The following CCDC178 variants were observed in gnomAD, a reference collection of about 807,000 sequenced individuals.
CCDC178 encodes coiled-coil domain-containing protein 178.
A neutral mutation model predicts 117.4 loss-of-function variants in CCDC178; 126 were observed. The observed-to-expected ratio is 1.07, with a 90% CI of 0.93 to 1.24. The LOEUF is 1.24. Among genes scored for constraint, CCDC178 ranks in the 50% most tolerant of loss-of-function variants. The pLI is 0.00. For missense variants in CCDC178, 1,030 were observed against 986.9 expected (o/e 1.04, Z -0.59); for synonymous variants, 283 against 313.4 (o/e 0.90, Z 1.02).
chr18:33,131,236 C>T (rs2058066066), intron 20 of CCDC178, among the ~76,000 whole-genome samples: 1 of 151,906 alleles, frequency 6.6e-6, no homozygotes, highest in Admixed American at 6.6e-5. Flanking sequence ...TGTAGGTGCT[C>T]TCAACTTTAT....
At position 33,039,013 on chromosome 18, in the gene CCDC178, A is replaced by C. The variant is rs76992043; in HGVS notation, c.2388+53748T>G. Among the ~76,000 whole-genome samples the C allele has an allele frequency of 5.4e-3, 825 of 152,200 alleles. 6 individuals are homozygous for C. Among genetic ancestry groups the C allele is most frequent in the African/African-American group, 0.019 (804 of 41,550 alleles). On this transcript the variant is annotated intron_variant, in intron 21 of 22. Coordinates refer to ENST00000383096, the MANE Select transcript of CCDC178 (RefSeq NM_001105528.4). ...CTCATATTTTAAACTACAATTTACA[A>C]AATACAGAAGATATGTATAAAGTAT...
chr18:32,991,778 C>T (rs1219210763), intron 21 of CCDC178, among the ~76,000 whole-genome samples: 1 of 152,122 alleles, frequency 6.6e-6, no homozygotes, highest in Non-Finnish European at 1.5e-5. Context: ...CTTGAGTTTC[C>T]ACCTCCAGGC....
At chr18:33,415,855 T>G (rs1400461577) in intron 2 of CCDC178, among the ~76,000 whole-genome samples, 1 of 152,066 alleles carries the variant, frequency 6.6e-6, no homozygotes, top group Non-Finnish European at 1.5e-5. Context: ...AAAACCAACA[T>G]AAGAAGACTG....
intron 20 of CCDC178, among the ~76,000 whole-genome samples, chr18:33,208,334 C>T (rs1478091797): frequency 6.6e-6 from 1 of 152,152 alleles, no homozygotes; most frequent in South Asian, 2.1e-4. Context: ...ATCACATATT[C>T]ATTTCCCACA....
At chr18:32,997,432 G>A (rs1006581745) in intron 21 of CCDC178, among the ~76,000 whole-genome samples, 10 of 152,086 alleles carry the variant, frequency 6.6e-5, no homozygotes, top group African/African-American at 2.4e-4. Context: ...TGAAAGGGAG[G>A]GAATTCTGCC....
intron 5 of CCDC178, among the ~76,000 whole-genome samples, chr18:33,372,425 T>C (rs2063311900): frequency 6.6e-6 from 1 of 152,154 alleles, no homozygotes; most frequent in African/African-American, 2.4e-5. Flanking sequence ...TCAGATTTCT[T>C]ATTTAATAAA....
chr18:33,097,999 G>C (rs978436677), intron 20 of CCDC178, among the ~76,000 whole-genome samples: 1 of 152,096 alleles, frequency 6.6e-6, no homozygotes, highest in Non-Finnish European at 1.5e-5. Context: ...GGGACCTGTA[G>C]AACTGTGGAC....
chr18:33,321,894 T>C (rs1160177108), intron 11 of CCDC178, among the ~76,000 whole-genome samples: 1 of 151,954 alleles, frequency 6.6e-6, no homozygotes. Context: ...ACATGGTGTT[T>C]ACAACAGATA....
chr18:33,047,655 G>A (rs1427843700), intron 21 of CCDC178, among the ~76,000 whole-genome samples: 1 of 151,974 alleles, frequency 6.6e-6, no homozygotes, highest in Non-Finnish European at 1.5e-5. Context: ...CCCTTTGTAA[G>A]TTCAAAAATC....
chr18:33,239,408 C>A (rs936810100), intron 15 of CCDC178, among the ~76,000 whole-genome samples: 12 of 150,140 alleles, frequency 8.0e-5, no homozygotes, highest in Middle Eastern at 3.5e-3. Flanking sequence ...AGATATAGAC[C>A]AACTGGATTG....
chr18:33,375,180 G>C (rs949394104), intron 5 of CCDC178, among the ~76,000 whole-genome samples: 1 of 152,108 alleles, frequency 6.6e-6, no homozygotes, highest in African/African-American at 2.4e-5. Context: ...CAATAACCTT[G>C]TATCGTTCTC....
At chr18:33,394,505 T>C (rs981898728) in intron 4 of CCDC178, among the ~76,000 whole-genome samples, 2 of 151,818 alleles carry the variant, frequency 1.3e-5, no homozygotes, top group African/African-American at 4.8e-5. Flanking sequence ...TTCTTGTAAG[T>C]ATGGAAAGCT....
chr18:33,359,045 A>G (rs1011856506), intron 6 of CCDC178, among the ~76,000 whole-genome samples: 2 of 151,882 alleles, frequency 1.3e-5, no homozygotes, highest in African/African-American at 4.8e-5. Flanking sequence ...TGCATAATGC[A>G]GAAATCCACA....
intron 2 of CCDC178, among the ~76,000 whole-genome samples, chr18:33,413,901 G>T (rs2063895491): frequency 6.6e-6 from 1 of 152,160 alleles, no homozygotes; most frequent in South Asian, 2.1e-4. Flanking sequence ...TCTATGAGAA[G>T]ACTGCCCATA....
At chr18:33,192,554 A>G (rs1049378035) in intron 20 of CCDC178, among the ~76,000 whole-genome samples, 7 of 152,230 alleles carry the variant, frequency 4.6e-5, no homozygotes, top group Non-Finnish European at 2.9e-5. Flanking sequence ...ATTACAATCT[A>G]CAACAGAGGC....
rs554091268 is a variant in CCDC178, at chr18:33,197,623, A to G, written c.2238+14273T>C. Among the ~76,000 whole-genome samples the G allele has an allele frequency of 8.0e-4, 112 of 139,554 alleles. 1 individual carries two copies. The highest frequency in any genetic ancestry group is 3.3e-3 in the African/African-American group (108 of 32,510). 91.6% of individuals were successfully genotyped at this position (139,554 alleles called of 152,430 possible). A position where few individuals can be genotyped will look rare whatever the true frequency, so the allele number is the denominator to read the frequency against. On this transcript the variant is annotated intron_variant, in intron 20 of 22. Coordinates refer to ENST00000383096, the MANE Select transcript of CCDC178 (RefSeq NM_001105528.4). Reference sequence around the variant, plus strand: ...GTGGCCTACCACACTGGATTGCTTTATCAAAAAAAAAAAAAAATACTTATG... The same window carrying G: ...GTGGCCTACCACACTGGATTGCTTTGTCAAAAAAAAAAAAAAATACTTATG...
chr18:33,165,965 G>A (rs1271374046), intron 20 of CCDC178, among the ~76,000 whole-genome samples: 1 of 152,148 alleles, frequency 6.6e-6, no homozygotes, highest in Non-Finnish European at 1.5e-5. Flanking sequence ...CTTAATTACA[G>A]TTCACCATAC....
At chr18:33,030,934 C>T (rs1162910361) in intron 21 of CCDC178, among the ~76,000 whole-genome samples, 2 of 152,086 alleles carry the variant, frequency 1.3e-5, no homozygotes, top group African/African-American at 2.4e-5. Flanking sequence ...AGCCTGAAGG[C>T]CTCAGAACTA....
intron 20 of CCDC178, among the ~76,000 whole-genome samples, chr18:33,126,983 G>T (rs1435098095): frequency 2.3e-5 from 3 of 128,044 alleles, no homozygotes; most frequent in Admixed American, 7.9e-5. Flanking sequence ...ATCTGCATTT[G>T]GTTAAAAAAA....
Sources: allele counts gnomAD v4.1 joint callset (sites outside exome capture counted in the v4.1 genomes callset), GRCh38; gene constraint gnomAD v4.1.1; transcripts MANE v1.5; gene names NCBI Gene and HGNC (gene_info 2026-07-23, HGNC 2026-07-21).